The following PUM2 variants were observed in gnomAD, a reference collection of about 807,000 sequenced individuals.
PUM2 encodes the protein pumilio homolog 2.
PUM2 carries 57 observed loss-of-function variants against 124.5 expected under a neutral mutation model. The ratio of observed to expected loss-of-function variants is 0.46; its 90% CI spans 0.37 to 0.57. The LOEUF is 0.57. Among genes scored for constraint, PUM2 ranks in the 20% least tolerant of loss-of-function variants. The pLI, the probability that PUM2 is intolerant of heterozygous loss-of-function variation, is 0.00. For missense variants in PUM2, 1,065 were observed against 1,290.6 expected (o/e 0.83, Z 2.68); for synonymous variants, 460 against 446.1 (o/e 1.03, Z -0.39).
intron 9 of PUM2, among the ~76,000 whole-genome samples, chr2:20,291,238 A>G (rs553418303): frequency 4.6e-5 from 7 of 152,344 alleles, no homozygotes; most frequent in Admixed American, 2.6e-4. Context: ...CTTGTGGAAG[A>G]CATTTCAAAA....
At chr2:20,328,477 C>T (rs1684187321) in intron 1 of PUM2, among the ~76,000 whole-genome samples, 1 of 151,710 alleles carries the variant, frequency 6.6e-6, no homozygotes, top group African/African-American at 2.4e-5. Flanking sequence ...GAAAATGTGA[C>T]CTAAAGGAAA....
At position 20,313,898 on chromosome 2, in the gene PUM2, T is replaced by C. The variant is rs557227435; in HGVS notation, c.161-1475A>G. The stretch of plus-strand genomic sequence containing the variant: ...TGACTCACTCCTGTAATCCCAGTAC[T>C]TTGACAGACTGAGGCGGGTGGACTG... On this transcript the variant is annotated intron_variant, in intron 3 of 20. Transcript: ENST00000361078. Among the ~76,000 whole-genome samples, 235 of 148,850 alleles carry C rather than the reference T, an allele frequency of 1.6e-3. 1 individual carries two copies. The highest frequency in any genetic ancestry group is 5.7e-3 in the African/African-American group (231 of 40,376).
At chr2:20,330,970 A>C (rs1684783031) in intron 1 of PUM2, among the ~76,000 whole-genome samples, 1 of 152,212 alleles carries the variant, frequency 6.6e-6, no homozygotes, top group South Asian at 2.1e-4. Context: ...CAGCATATCA[A>C]GCAATACATG....
intron 1 of PUM2, among the ~76,000 whole-genome samples, chr2:20,335,739 T>C (rs1425499746): frequency 6.6e-6 from 1 of 152,252 alleles, no homozygotes; most frequent in Non-Finnish European, 1.5e-5. Context: ...AAATTTGGCA[T>C]AAAAATTAGT....
intron 2 of PUM2, among the ~76,000 whole-genome samples, chr2:20,324,139 C>A (rs1037576771): frequency 1.3e-5 from 2 of 152,024 alleles, no homozygotes; most frequent in African/African-American, 4.8e-5. Flanking sequence ...TATATTAAAG[C>A]AAGAGCATTT....
At chr2:20,253,387 G>A (rs1197210945) in intron 20 of PUM2, among the ~76,000 whole-genome samples, 1 of 152,126 alleles carries the variant, frequency 6.6e-6, no homozygotes, top group Non-Finnish European at 1.5e-5. Context: ...TAAATTTTTT[G>A]TAGAGATGGG....
At chr2:20,336,778 GTGTGTGTGTGTGTGTGTGTGTGTGGTA>G (rs1686194464) in intron 1 of PUM2, among the ~76,000 whole-genome samples, 1 of 137,660 alleles carries the variant, frequency 7.3e-6, no homozygotes, top group African/African-American at 2.8e-5. Flanking sequence ...GTGTGTGTGT[GTGTGTGTGTGTGTGTGTGTGTGTGGTA>G]CAGACGGGGT....
intron 3 of PUM2, among the ~76,000 whole-genome samples, chr2:20,315,688 T>G (rs537125276): frequency 6.6e-6 from 1 of 151,988 alleles, no homozygotes; most frequent in African/African-American, 2.4e-5. Flanking sequence ...TGGCTGGGCA[T>G]AGTGGCGCAT....
At chr2:20,325,615 T>C (rs1254267052) in intron 2 of PUM2, among the ~76,000 whole-genome samples, 1 of 148,582 alleles carries the variant, frequency 6.7e-6, no homozygotes, top group Non-Finnish European at 1.5e-5. Context: ...GGAGTATGAC[T>C]CTCTTGTTCT....
chr2:20,303,657 CT>C (rs1677531214), intron 7 of PUM2, among the ~76,000 whole-genome samples: 1 of 152,154 alleles, frequency 6.6e-6, no homozygotes, highest in Admixed American at 6.5e-5. Flanking sequence ...CATTCCATAG[CT>C]TTTCATTTCT....
chr2:20,262,353 ATTGT>A (rs1666511377), intron 14 of PUM2, among the ~76,000 whole-genome samples: 2 of 152,286 alleles, frequency 1.3e-5, no homozygotes, highest in South Asian at 4.1e-4. Flanking sequence ...TATCTTTTCT[ATTGT>A]TTATTATGCG....
At chr2:20,290,365 A>G (rs959030606) in intron 10 of PUM2, among the ~76,000 whole-genome samples, 1 of 152,216 alleles carries the variant, frequency 6.6e-6, no homozygotes. Context: ...TTGAAGCAAT[A>G]TATTAAAAAT....
In PUM2 at chr2:20,336,681, T is replaced by TTGTGTGTGTGTGTGTG. The variant is rs113658730; in HGVS notation, c.-18-9319_-18-9304dup. Among the ~76,000 whole-genome samples, 131 of 131,578 alleles carry TTGTGTGTGTGTGTGTG rather than the reference T, an allele frequency of 1.0e-3. 3 individuals are homozygous for TTGTGTGTGTGTGTGTG. The highest frequency in any genetic ancestry group is 3.8e-3 in the Admixed American group (48 of 12,696). 86.3% of individuals were successfully genotyped at this position (131,578 alleles called of 152,430 possible). On this transcript the variant is annotated intron_variant, in intron 1 of 20. Transcript: ENST00000361078. ...ACAGGTGCCACCAGGCCTGGCTAAT[T>TTGTGTGTGTGTGTGTG]TGTGTGTGTGTGTGTGTGTGTGTGT...
chr2:20,340,023 TA>T (rs1325892997), intron 1 of PUM2, among the ~76,000 whole-genome samples: 2 of 152,218 alleles, frequency 1.3e-5, no homozygotes, highest in Non-Finnish European at 1.5e-5. Flanking sequence ...ATCATACATT[TA>T]ATTTAAAGCC....
rs768853831 is a variant in PUM2 at position 20,312,273 on chromosome 2, G to T, written c.311C>A (p.Ala104Asp). 1 of 1,608,340 alleles carries T rather than the reference G, an allele frequency of 6.2e-7. No individual in the cohort carries two copies. The highest frequency in any genetic ancestry group is 1.3e-5 in the African/African-American group (1 of 74,720). Residue 104 changes from alanine (A) to aspartate (D), a missense_variant, in exon 4 of 21, where the codon GCT becomes GAT. Ala to Asp is a moderately radical substitution (Grantham distance 126, BLOSUM62 -2). Transcript: ENST00000361078. ...MVEYVLSSSP[A>D]DKLDSRFRKG... ...CCTAAATCGAGAATCCAATTTATCAGCAGGAGAAGAACTTAATACATATTC... is the reference window on the plus strand; with the variant it reads ...CCTAAATCGAGAATCCAATTTATCATCAGGAGAAGAACTTAATACATATTC...
intron 12 of PUM2, 122 bp from the exon 13 acceptor site, chr2:20,278,941 G>T: frequency 1.3e-6 from 1 of 747,806 alleles, no homozygotes; most frequent in Non-Finnish European, 2.2e-6. Flanking sequence ...ACATTTTGGA[G>T]AAGATAATTA....
intron 14 of PUM2, among the ~76,000 whole-genome samples, chr2:20,261,263 C>G (rs1380417400): frequency 6.6e-6 from 1 of 151,368 alleles, no homozygotes; most frequent in Non-Finnish European, 1.5e-5. Flanking sequence ...CGGTGGCAGA[C>G]GCCTGTAAGC....
intron 1 of PUM2, among the ~76,000 whole-genome samples, chr2:20,348,710 G>A (rs982196609): frequency 6.6e-6 from 1 of 152,112 alleles, no homozygotes; most frequent in Non-Finnish European, 1.5e-5. Context: ...CGGGAGGATC[G>A]CTTGAGATCG....
At chr2:20,269,953 C>T (rs1668641178) in intron 13 of PUM2, among the ~76,000 whole-genome samples, 1 of 152,146 alleles carries the variant, frequency 6.6e-6, no homozygotes, top group Non-Finnish European at 1.5e-5. Context: ...AGTCTTCAGA[C>T]TAGTTATGAC....
Sources: allele counts gnomAD v4.1 joint callset (sites outside exome capture counted in the v4.1 genomes callset), GRCh38; gene constraint gnomAD v4.1.1; transcripts MANE v1.5; gene names NCBI Gene and HGNC (gene_info 2026-07-23, HGNC 2026-07-21).